ANO2: variants seen among roughly 807,000 people sequenced by gnomAD.
ANO2 encodes the protein anoctamin 2.
ANO2 carries 101 observed loss-of-function variants against 124.2 expected under a neutral mutation model. The observed-to-expected ratio is 0.81, with a 90% CI of 0.69 to 0.96. The LOEUF (loss-of-function observed/expected upper bound fraction) is 0.96. Ranked by LOEUF, ANO2 falls within the 40% of genes least tolerant of loss-of-function variation. ANO2 has a pLI of 0.00. For synonymous variants in ANO2, 486 were observed against 482.5 expected (o/e 1.01, Z -0.09); for missense variants, 1,293 against 1,274.5 (o/e 1.01, Z -0.22).
intron 17 of ANO2, 119 bp from the exon 18 acceptor site, chr12:5,613,077 C>T (rs1241690234): frequency 4.0e-5 from 39 of 971,756 alleles, no homozygotes; most frequent in Admixed American, 2.6e-4. Flanking sequence ...CTGGTCAGGG[C>T]GAGTGCTAGA....
chr12:5,611,221 A>G (rs75508919), intron 19 of ANO2, among the ~76,000 whole-genome samples: 39,633 of 151,828 alleles, frequency 0.26, 5,599 homozygotes, highest in African/African-American at 0.37. Flanking sequence ...CGCCCACCTC[A>G]GCTTCCCAAA....
At chr12:5,694,251 C>CAGACAGAGAGAGAGAGAGAGAGAGAGAG (rs1555137018) in intron 14 of ANO2, among the ~76,000 whole-genome samples, 3 of 133,882 alleles carry the variant, frequency 2.2e-5, no homozygotes, top group Admixed American at 7.7e-5. Flanking sequence ...TTACCAGAGA[C>CAGACAGAGAGAGAGAGAGAGAGAGAGAG]AGAGAGAGAG....
In ANO2 at chr12:5,922,759, G is replaced by T; in HGVS notation, c.68C>A (p.Ala23Glu). ...GGGGCCCTGGCCCCCTCTGGACCCT[G>T]CCTGAGGGCTCAGCCGGCGTGGGGA... ...PGSPRRLSPQ[A>E]GSRGGQGPKH... Residue 23 changes from alanine (A) to glutamate (E), a missense_variant, in exon 2 of 25, where the codon GCA becomes GAA. Ala to Glu is a moderately radical substitution (Grantham distance 107, BLOSUM62 -1). Transcript: ENST00000682330. 1 of 1,565,664 alleles carries T rather than the reference G, an allele frequency of 6.4e-7. No homozygotes were observed.
intron 11 of ANO2, 109 bp downstream of exon 11, chr12:5,750,727 T>C: frequency 1.8e-6 from 2 of 1,139,698 alleles, no homozygotes; most frequent in South Asian, 1.6e-5. Context: ...AGGAGAATGA[T>C]AGAGGGTGAG....
intron 20 of ANO2, among the ~76,000 whole-genome samples, chr12:5,596,862 C>A (rs1020016771): frequency 6.6e-6 from 1 of 152,132 alleles, no homozygotes; most frequent in Non-Finnish European, 1.5e-5. Flanking sequence ...TAGCACTAAG[C>A]ACTAAGACCC....
At chr12:5,756,661 G>A (rs1430288093) in intron 10 of ANO2, among the ~76,000 whole-genome samples, 3 of 152,234 alleles carry the variant, frequency 2.0e-5, no homozygotes, top group East Asian at 1.9e-4. Context: ...GTCTGTGGGT[G>A]GGCTGGCCTG....
Position 5,773,936 on chromosome 12 carries a change from G to A in ANO2, c.1056-22966C>T, listed in dbSNP as rs112409698. 3.5e-3 allele frequency among the ~76,000 whole-genome samples: 531 copies of A among 152,296 alleles called. 2 individuals are homozygous for A. Among genetic ancestry groups the A allele is most frequent in the African/African-American group, 0.011 (467 of 41,546 alleles). ...AATGACCTTATCTCATTGAGTTGCT[G>A]TGAATATTCACGAAGACAGCATATG... is the stretch of plus-strand genomic sequence containing the variant. On this transcript the variant is annotated intron_variant, in intron 10 of 24. Transcript: ENST00000682330.
chr12:5,934,778 C>T (rs11063926), intron 1 of ANO2, among the ~76,000 whole-genome samples: 35,010 of 152,146 alleles, frequency 0.23, 4,478 homozygotes, highest in Middle Eastern at 0.32. Context: ...CAATGGGCTC[C>T]CTCCGTGTCC....
rs1206529695 is a variant in ANO2, at chr12:5,919,658, A to G, written c.534+1382T>C. 4.6e-5 allele frequency among the ~76,000 whole-genome samples: 7 copies of G among 152,140 alleles called. No individual in the cohort carries two copies. In the South Asian group the frequency reaches 8.3e-4, roughly 18 times the overall value. ...CCTGCAGGAAGGTAGGGAGGGTGGG[A>G]AGGGTAGGAATGAGTTTGGGGGAGA... On this transcript the variant is annotated intron_variant, in intron 3 of 24. Coordinates refer to ENST00000682330, the MANE Select transcript of ANO2 (RefSeq NM_001364791.2).
At chr12:5,577,859 C>A (rs1942501109) in intron 22 of ANO2, 96 bp downstream of exon 22, 2 of 1,245,182 alleles carry the variant, frequency 1.6e-6, no homozygotes, top group African/African-American at 3.0e-5. Context: ...ATGGAAAAGG[C>A]TGGGAGGTGC....
intron 14 of ANO2, among the ~76,000 whole-genome samples, chr12:5,716,575 A>T (rs538382783): frequency 1.3e-5 from 2 of 152,344 alleles, no homozygotes; most frequent in East Asian, 3.9e-4. Flanking sequence ...TATTCAGCTG[A>T]GTACATTTCC....
intron 14 of ANO2, among the ~76,000 whole-genome samples, chr12:5,726,827 C>A (rs1480587217): frequency 6.6e-6 from 1 of 152,150 alleles, no homozygotes; most frequent in Non-Finnish European, 1.5e-5. Context: ...GGGTTGATGA[C>A]CAACATCATC....
chr12:5,599,879 T>C (rs555393107), intron 19 of ANO2, among the ~76,000 whole-genome samples: 3 of 152,324 alleles, frequency 2.0e-5, no homozygotes, highest in Admixed American at 6.5e-5. Context: ...TACTTTTGAA[T>C]TCTTCCTGCT....
intron 19 of ANO2, among the ~76,000 whole-genome samples, chr12:5,604,259 G>GT (rs1215307572): frequency 6.6e-6 from 1 of 152,140 alleles, no homozygotes; most frequent in Non-Finnish European, 1.5e-5. Flanking sequence ...AGAATACAAC[G>GT]TAAGAGGCAG....
At chr12:5,681,408 G>A (rs1459843830) in intron 14 of ANO2, among the ~76,000 whole-genome samples, 1 of 152,162 alleles carries the variant, frequency 6.6e-6, no homozygotes, top group Non-Finnish European at 1.5e-5. Flanking sequence ...TTTGGGGAAG[G>A]GCAGAGTGCC....
intron 3 of ANO2, among the ~76,000 whole-genome samples, chr12:5,888,694 A>T (rs2136269540): frequency 6.6e-6 from 1 of 152,230 alleles, no homozygotes; most frequent in South Asian, 2.1e-4. Flanking sequence ...ACAAACCCTG[A>T]GCTAGACACA....
intron 3 of ANO2, among the ~76,000 whole-genome samples, chr12:5,872,241 G>T (rs1187026399): frequency 2.0e-5 from 3 of 152,126 alleles, no homozygotes; most frequent in African/African-American, 7.2e-5. Flanking sequence ...CATCCAGAGA[G>T]CAAGTACCAA....
chr12:5,775,854 A>G (rs1952219904), intron 10 of ANO2, among the ~76,000 whole-genome samples: 1 of 152,176 alleles, frequency 6.6e-6, no homozygotes, highest in Admixed American at 6.5e-5. Flanking sequence ...CTTGCCCAGA[A>G]CCAACTACAG....
At chr12:5,927,032 G>A (rs1016238996) in intron 1 of ANO2, among the ~76,000 whole-genome samples, 1 of 152,138 alleles carries the variant, frequency 6.6e-6, no homozygotes, top group Non-Finnish European at 1.5e-5. Flanking sequence ...ACTTCAGGAC[G>A]TCCATGCTGC....
Sources: gnomAD v4.1 joint callset for allele counts (sites outside exome capture counted in the v4.1 genomes callset) on GRCh38, gnomAD v4.1.1 for gene constraint, MANE v1.5 for transcripts, NCBI Gene and HGNC (gene_info 2026-07-23, HGNC 2026-07-21) for gene names.